DHPS: variants seen among roughly 807,000 people sequenced by gnomAD.
DHPS encodes the protein deoxyhypusine synthase.
A neutral mutation model predicts 38.7 loss-of-function variants in DHPS; 24 were observed. That is an observed-to-expected ratio of 0.62 (90% confidence interval 0.45 to 0.87). DHPS has a LOEUF of 0.87. DHPS is among the 40% of genes least tolerant of loss of function. DHPS has a pLI of 0.00. For missense variants in DHPS, 510 were observed against 497.6 expected (o/e 1.02, Z -0.24); for synonymous variants, 250 against 204.4 (o/e 1.22, Z -1.90).
At chr19:12,672,986 A>G (rs776226264), downstream of DHPS, 1 of 1,607,086 alleles carries the variant, frequency 6.2e-7, no homozygotes, top group South Asian at 1.1e-5. Flanking sequence ...ACCCTCACTC[A>G]CCTACCCACC....
downstream of DHPS, among the ~76,000 whole-genome samples, chr19:12,675,224 C>T (rs1316208894): frequency 1.3e-5 from 2 of 152,100 alleles, no homozygotes; most frequent in African/African-American, 2.4e-5. Context: ...GCCAGGAGTT[C>T]GAGACCAGCC....
At position 12,675,893 on chromosome 19, in the gene DHPS, G is replaced by A; in HGVS notation, c.1055C>T (p.Ala352Val). 1.2e-6 allele frequency: 2 copies of A among 1,610,424 alleles called. No homozygotes were observed. The highest frequency in any genetic ancestry group is 1.7e-6 in the Non-Finnish European group (2 of 1,178,160). The change falls in exon 9 of 9, where the codon GCT becomes GTT. Residue 352 changes from alanine to valine, a missense_variant. By Grantham distance (64) the Ala-to-Val change is moderately conservative (BLOSUM62 0). Transcript: ENST00000210060. ...ATCCATCTTCTGGGCAAAGGTTTCA[G>A]CCACAAGCAGGGGGAAGACCAGGGA... ...DASLVFPLLV[A>V]ETFAQKMDAF...
At chr19:12,675,019 C>T (rs909713390), downstream of DHPS, among the ~76,000 whole-genome samples, 1 of 151,996 alleles carries the variant, frequency 6.6e-6, no homozygotes, top group African/African-American at 2.4e-5. Flanking sequence ...GAGGCTGAGG[C>T]AGGAGAATCG....
chr19:12,673,379 CT>C, downstream of DHPS: 1 of 1,107,144 alleles, frequency 9.0e-7, no homozygotes, highest in Non-Finnish European at 1.4e-6. Flanking sequence ...CTGTCCTTAC[CT>C]CAGTCACTCC....
rs139871951 is a variant in DHPS at position 12,679,819 on chromosome 19, C to T, written c.476G>A (p.Arg159Gln). Residue 159 changes from arginine to glutamine, a missense_variant, in exon 3 of 9, where the codon CGG becomes CAG. Physicochemically the swap from Arg to Gln is conservative, Grantham distance 43. Transcript: ENST00000210060. ...GEFSLRGKEL[R>Q]ENGINRIGNL... ...TTCTCACCTATTGATCCCGTTCTCC[C>T]GGAGCTCCTTCCCCCTGAGGCTAAA... 1.1e-5 allele frequency: 18 copies of T among 1,613,984 alleles called. No individual in the cohort carries two copies. Among genetic ancestry groups the T allele is most frequent in the East Asian group, 4.5e-5 (2 of 44,898 alleles).
downstream of DHPS, among the ~76,000 whole-genome samples, chr19:12,674,485 T>G (rs1189049445): frequency 1.3e-5 from 2 of 152,134 alleles, no homozygotes; most frequent in African/African-American, 4.8e-5. Context: ...AGCTCTTGCT[T>G]TAGGAACTAA....
downstream of DHPS, chr19:12,675,391 G>A: frequency 1.5e-6 from 2 of 1,290,864 alleles, no homozygotes; most frequent in Non-Finnish European, 2.1e-6. Flanking sequence ...GGCAATTAGA[G>A]GCAGGTGGCT....
At chr19:12,679,390 G>T in intron 5 of DHPS, 67 bp downstream of exon 5, 1 of 1,418,232 alleles carries the variant, frequency 7.1e-7, no homozygotes, top group Non-Finnish European at 1.0e-6. Context: ...TCCCCAGGAG[G>T]CTGGAAAGAT....
At chr19:12,676,481 T>G (rs73499498) in intron 7 of DHPS, 5,815 of 261,118 alleles carry the variant, frequency 0.022, 372 homozygotes, top group African/African-American at 0.12. Context: ...TGGACTGGAG[T>G]TCTCACTCAC....
At chr19:12,673,395 C>A, downstream of DHPS, 2 of 666,962 alleles carry the variant, frequency 3.0e-6, no homozygotes, top group Non-Finnish European at 5.2e-6. Context: ...CACTCCAGGG[C>A]CTGAAGGCTA....
chr19:12,679,944 T>C, intron 2 of DHPS, 22 bp from the exon 3 acceptor site: 1 of 1,604,386 alleles, frequency 6.2e-7, no homozygotes. Context: ...AGGCAGTGAA[T>C]TTGGCCCAAG....
At chr19:12,679,567 G>A in intron 4 of DHPS, 24 bp from the exon 5 acceptor site, 1 of 1,613,964 alleles carries the variant, frequency 6.2e-7, no homozygotes, top group Non-Finnish European at 8.5e-7. Context: ...TGACCTTCAG[G>A]CCATGCCTCC....
At chr19:12,676,435 G>A (rs962876931) in intron 7 of DHPS, 5 of 387,216 alleles carry the variant, frequency 1.3e-5, no homozygotes, top group African/African-American at 4.1e-5. Context: ...TCCAACCACC[G>A]CCTGCCTCCT....
Position 12,681,550 on chromosome 19 carries a change from C to A in DHPS, c.207+10G>T. 1 of 1,614,182 alleles carries A rather than the reference C, an allele frequency of 6.2e-7. No individual in the cohort carries two copies. The highest frequency in any genetic ancestry group is 1.7e-4 in the Middle Eastern group (1 of 6,060). On this transcript the variant is annotated intron_variant, in intron 1 of 8. Transcript: ENST00000210060. ...CCTCCGCGTCCCTAGAAATTCCGCC[C>A]GGTCCTCACCATGGCATTGACTTGC...
Position 12,675,809 on chromosome 19 carries a change from G to T in DHPS, c.*29C>A. The stretch of plus-strand genomic sequence containing the variant: ...TCTGCAAATTAATAAATAGAAGAGG[G>T]GGTAAGACCTTCCTGGGACCGCAGC... On this transcript the variant is annotated 3_prime_UTR_variant, in exon 9 of 9. Transcript: ENST00000210060. 1 of 1,573,014 alleles carries T rather than the reference G, an allele frequency of 6.4e-7. No individual in the cohort carries two copies. Among genetic ancestry groups the T allele is most frequent in the Non-Finnish European group, 8.6e-7 (1 of 1,157,444 alleles).
chr19:12,673,126 T>C, downstream of DHPS: 5 of 1,612,392 alleles, frequency 3.1e-6, no homozygotes, highest in Non-Finnish European at 4.2e-6. Flanking sequence ...AGTGAGTCCT[T>C]GTGGTCGTGG....
At chr19:12,672,900 C>T (rs760232345), downstream of DHPS, 7 of 1,598,432 alleles carry the variant, frequency 4.4e-6, no homozygotes, top group South Asian at 6.8e-5. Context: ...CAGCTCTTCT[C>T]AGACTACGTG....
At position 12,681,286 on chromosome 19, in the gene DHPS, C is replaced by T. The variant is rs995714291; in HGVS notation, c.207+274G>A. 8.5e-6 allele frequency: 11 copies of T among 1,298,640 alleles called. No individual in the cohort carries two copies. In the East Asian group the frequency reaches 3.4e-4, roughly 40 times the overall value. The allele number at this position is 1,298,640 out of a possible 1,614,324, so 80.4% of individuals were successfully genotyped here. A position where few individuals can be genotyped will look rare whatever the true frequency, so the allele number is the denominator to read the frequency against. On this transcript the variant is annotated intron_variant, in intron 1 of 8. Transcript: ENST00000210060. ...GTCTTGCCCCAGGCTCCGCCCATTC[C>T]AGAAAGCTTTAAATGTACCTAGAAC... is the stretch of plus-strand genomic sequence containing the variant.
intron 5 of DHPS, 147 bp downstream of exon 5, chr19:12,679,310 A>T (rs1034292895): frequency 6.2e-6 from 5 of 810,822 alleles, no homozygotes; most frequent in Non-Finnish European, 1.0e-5. Context: ...AAAAAAAAAA[A>T]ATTACCACGC....
Sources: allele counts gnomAD v4.1 joint callset (sites outside exome capture counted in the v4.1 genomes callset), GRCh38; gene constraint gnomAD v4.1.1; transcripts MANE v1.5; gene names NCBI Gene and HGNC (gene_info 2026-07-23, HGNC 2026-07-21).